The following SEMA3D variants were observed in gnomAD, a reference collection of about 807,000 sequenced individuals.
The protein encoded by SEMA3D is semaphorin-3D.
A neutral mutation model predicts 100.1 loss-of-function variants in SEMA3D; 84 were observed. The ratio of observed to expected loss-of-function variants is 0.84; its 90% CI spans 0.70 to 1.01. The LOEUF is 1.01. Among genes scored for constraint, SEMA3D ranks in the 50% least tolerant of loss-of-function variants. The pLI, the probability that SEMA3D is intolerant of heterozygous loss-of-function variation, is 0.00. For missense variants in SEMA3D, 875 were observed against 934.1 expected, an observed-to-expected ratio of 0.94 and a Z score of 0.82; for synonymous variants, 312 against 320.7, an observed-to-expected ratio of 0.97 and a Z score of 0.29.
intron 1 of SEMA3D, among the ~76,000 whole-genome samples, chr7:85,165,276 G>GT (rs1479086165): frequency 3.5e-5 from 3 of 84,964 alleles, no homozygotes; most frequent in Non-Finnish European, 6.7e-5. Flanking sequence ...GAATTAAATG[G>GT]TAAAAAAAAA....
chr7:85,182,720 A>G (rs1029292901), intron 1 of SEMA3D, among the ~76,000 whole-genome samples: 2 of 152,210 alleles, frequency 1.3e-5, no homozygotes, highest in Admixed American at 1.3e-4. Context: ...AATGTGATCA[A>G]TGTTATTGCC....
chr7:85,197,450 G>T, the SEMA3D span, among the ~76,000 whole-genome samples: 1 of 151,938 alleles, frequency 6.6e-6, no homozygotes, highest in African/African-American at 2.4e-5. Flanking sequence ...ATTACCTATA[G>T]CCTGGAAACC....
At chr7:85,102,850 T>C (rs1304333413) in intron 3 of SEMA3D, among the ~76,000 whole-genome samples, 1 of 151,996 alleles carries the variant, frequency 6.6e-6, no homozygotes, top group Admixed American at 6.6e-5. Context: ...TTTATTTTCT[T>C]TCATCATAAC....
chr7:85,069,165 G>A lies in SEMA3D; in HGVS notation c.496-881C>T, dbSNP rs570667209. The stretch of plus-strand genomic sequence containing the variant: ...TCTGTCTAGGTGATGTATCTATGAA[G>A]TTATATCAGAACACACATGTAATAA... On this transcript the variant is annotated intron_variant, in intron 6 of 18. Transcript: ENST00000284136. Among the ~76,000 whole-genome samples, 4 of 152,200 alleles carry A rather than the reference G, an allele frequency of 2.6e-5. No individual in the cohort carries two copies. In the East Asian group the frequency reaches 7.7e-4, roughly 29 times the overall value.
rs967650287 is a variant in SEMA3D, at chr7:84,999,779, G to A, written c.1995C>T (p.Cys665=). Residue 665 remains cysteine (C), a synonymous_variant, in exon 19 of 19, where the codon TGC becomes TGT. Coordinates refer to ENST00000284136, the MANE Select transcript of SEMA3D (RefSeq NM_001384900.1). Reference sequence around the variant, plus strand: ...GGATGAAAGTGTGCTCCTGGGCTTTGCAGTAATACATCCCAGAATCCTTCT... The same window carrying A: ...GGATGAAAGTGTGCTCCTGGGCTTTACAGTAATACATCCCAGAATCCTTCT... The part of the protein sequence containing the change: ...LQKKDSGMYY[C]KAQEHTFIHT... 6.2e-7 allele frequency: 1 copy of A among 1,613,972 alleles called. No individual in the cohort carries two copies. The highest frequency in any genetic ancestry group is 1.3e-5 in the African/African-American group (1 of 75,036).
At chr7:85,225,399 A>G in the SEMA3D span, among the ~76,000 whole-genome samples, 1 of 151,134 alleles carries the variant, frequency 6.6e-6, no homozygotes, top group African/African-American at 2.4e-5. Context: ...TAAGAAAGGT[A>G]CACACTCACT....
chr7:85,072,900 T>C (rs1583895447), intron 6 of SEMA3D, 62 bp downstream of exon 6: 3 of 1,359,768 alleles, frequency 2.2e-6, no homozygotes, highest in East Asian at 4.8e-5. Context: ...TTTTATGTCA[T>C]AGGAATTAAG....
At chr7:85,132,815 T>C (rs922759704) in intron 2 of SEMA3D, among the ~76,000 whole-genome samples, 4 of 151,982 alleles carry the variant, frequency 2.6e-5, no homozygotes, top group Non-Finnish European at 5.9e-5. Flanking sequence ...TTTAGAAACA[T>C]TATTTGATGT....
At chr7:85,073,980 TC>T (rs550552750) in intron 5 of SEMA3D, among the ~76,000 whole-genome samples, 47 of 152,328 alleles carry the variant, frequency 3.1e-4, no homozygotes, top group Admixed American at 2.7e-3. Context: ...AGTGGCTCTC[TC>T]TCTTTTTAGA....
chr7:85,242,089 C>G, the SEMA3D span, among the ~76,000 whole-genome samples: 3 of 151,984 alleles, frequency 2.0e-5, no homozygotes. Context: ...GTTAATCTGA[C>G]AAGCAAGTAA....
chr7:85,194,359 C>G, the SEMA3D span, among the ~76,000 whole-genome samples: 1 of 152,168 alleles, frequency 6.6e-6, no homozygotes, highest in Non-Finnish European at 1.5e-5. Flanking sequence ...TGTGCTCTAT[C>G]AAGTTGAGGA....
chr7:85,249,386 G>A, the SEMA3D span, among the ~76,000 whole-genome samples: 32 of 152,214 alleles, frequency 2.1e-4, no homozygotes, highest in Admixed American at 7.2e-4. Context: ...ATCATGCATG[G>A]GATCCTGGAA....
chr7:85,091,515 A>C (rs1349704899), intron 4 of SEMA3D, among the ~76,000 whole-genome samples: 1 of 151,396 alleles, frequency 6.6e-6, no homozygotes, highest in Non-Finnish European at 1.5e-5. Context: ...AAAAAAAAAG[A>C]GTGAGAAAGA....
chr7:85,249,080 C>A, the SEMA3D span, among the ~76,000 whole-genome samples: 1 of 152,136 alleles, frequency 6.6e-6, no homozygotes, highest in African/African-American at 2.4e-5. Flanking sequence ...TGTGTGGGAA[C>A]AGGCAGGGGC....
the SEMA3D span, among the ~76,000 whole-genome samples, chr7:85,209,488 T>C: frequency 2.8e-4 from 43 of 152,028 alleles, no homozygotes; most frequent in Admixed American, 2.0e-4. Context: ...GGGGACAGAC[T>C]GAACCATCAT....
the SEMA3D span, among the ~76,000 whole-genome samples, chr7:85,196,770 A>G: frequency 6.6e-6 from 1 of 152,206 alleles, no homozygotes; most frequent in African/African-American, 2.4e-5. Context: ...AAGGAAATGC[A>G]AATAAAAACC....
the SEMA3D span, among the ~76,000 whole-genome samples, chr7:85,203,060 G>T: frequency 6.6e-6 from 1 of 152,188 alleles, no homozygotes; most frequent in Non-Finnish European, 1.5e-5. Context: ...AAAGCAGGTT[G>T]GAAGTAGATG....
intron 1 of SEMA3D, among the ~76,000 whole-genome samples, 159 bp downstream of exon 1, chr7:85,186,519 G>C (rs1031649590): frequency 6.6e-6 from 1 of 152,086 alleles, no homozygotes; most frequent in African/African-American, 2.4e-5. Flanking sequence ...CCGCTCCCGG[G>C]AGCCTTCTCT....
chr7:85,137,469 A>G (rs1188590346), intron 2 of SEMA3D, among the ~76,000 whole-genome samples: 1 of 152,014 alleles, frequency 6.6e-6, no homozygotes, highest in Non-Finnish European at 1.5e-5. Context: ...TCTTTATCAA[A>G]GTTGTCATCA....
Sources: gnomAD v4.1 joint callset for allele counts (sites outside exome capture counted in the v4.1 genomes callset) on GRCh38, gnomAD v4.1.1 for gene constraint, MANE v1.5 for transcripts, NCBI Gene and HGNC (gene_info 2026-07-23, HGNC 2026-07-21) for gene names.